The following ZNF705G variants were observed in gnomAD, a reference collection of about 807,000 sequenced individuals.
ZNF705G encodes zinc finger protein 705G, also known as putative zinc finger protein 705G.
A neutral mutation model predicts 19.6 loss-of-function variants in ZNF705G; 23 were observed. The ratio of observed to expected loss-of-function variants is 1.17; its 90% CI spans 0.84 to 1.66. The LOEUF (loss-of-function observed/expected upper bound fraction) is 1.66, where lower values mean the gene tolerates loss of function less well. Among genes scored for constraint, ZNF705G ranks in the 40% most tolerant of loss-of-function variants. The pLI is 0.00. For synonymous variants in ZNF705G, 146 were observed against 117.7 expected, an observed-to-expected ratio of 1.24 and a Z score of -1.56; for missense variants, 457 against 354.4, an observed-to-expected ratio of 1.29 and a Z score of -2.32.
chr8:7,366,755 T>C (rs1179399473), intron 2 of ZNF705G, among the ~76,000 whole-genome samples: 1 of 149,428 alleles, frequency 6.7e-6, no homozygotes, highest in African/African-American at 2.6e-5. Flanking sequence ...GAGATGAATA[T>C]AGAGAAGCAG....
In ZNF705G at chr8:7,362,953, G is replaced by T. The variant is rs923402394; in HGVS notation, c.-7C>A. 4.4e-6 allele frequency: 7 copies of T among 1,590,730 alleles called. 2 individuals carry two copies. The African/African-American group carries it at 9.9e-5, about 23-fold the overall frequency. On this transcript the variant is annotated 5_prime_UTR_variant, in exon 3 of 7. Coordinates refer to ENST00000400156, the MANE Select transcript of ZNF705G (RefSeq NM_001164457.3). ...TACTCACTAGTGAATGCATTGTCAG[G>T]AACTCAGTTTCTCTCTGTCTTCCTC...
In ZNF705G at chr8:7,359,744, A is replaced by C. The variant is rs751322252; in HGVS notation, c.236-43T>G. Reference sequence around the variant, plus strand: ...TAAATTGTTACATTGGTATTATGGTAATAAAATTGTTTGAAAAGCCCCAAA... The same window carrying C: ...TAAATTGTTACATTGGTATTATGGTCATAAAATTGTTTGAAAAGCCCCAAA... On this transcript the variant is annotated intron_variant, in intron 5 of 6. Transcript: ENST00000400156. 5.0e-6 allele frequency: 8 copies of C among 1,604,520 alleles called. No individual in the cohort carries two copies. The South Asian group carries it at 8.9e-5, about 18-fold the overall frequency.
chr8:7,364,327 C>A (rs1327726129), intron 2 of ZNF705G, among the ~76,000 whole-genome samples: 1 of 149,316 alleles, frequency 6.7e-6, no homozygotes, highest in African/African-American at 2.6e-5. Flanking sequence ...GTGTCATAAA[C>A]AAAAAATTTA....
rs759311915 is a variant in ZNF705G, at chr8:7,361,216, A to C, written c.33T>G (p.Asp11Glu). Residue 11 changes from aspartate to glutamate, a missense_variant, in exon 4 of 7, where the codon GAT (aspartate) becomes GAG (glutamate). Coordinates refer to ENST00000400156, the MANE Select transcript of ZNF705G (RefSeq NM_001164457.3). The part of the protein sequence containing the change: MHSLKKLTFE[D>E]VAIDFTQEEW... ...CTTCCTGGGTGAAGTCAATAGCTAC[A>C]TCTTCAAAAGTCAGTTTCTTCTAAA... 6 of 1,592,682 alleles carry C rather than the reference A, an allele frequency of 3.8e-6. 1 individual carries two copies. The highest frequency in any genetic ancestry group is 5.1e-6 in the Non-Finnish European group (6 of 1,179,394).
intron 2 of ZNF705G, among the ~76,000 whole-genome samples, chr8:7,368,254 G>A (rs1397327526): frequency 6.7e-6 from 1 of 149,446 alleles, no homozygotes; most frequent in Non-Finnish European, 1.5e-5. Flanking sequence ...CATAAAGTTG[G>A]AAACCAAAGA....
intron 2 of ZNF705G, among the ~76,000 whole-genome samples, chr8:7,364,899 G>C (rs1213876758): frequency 6.7e-6 from 1 of 149,454 alleles, no homozygotes; most frequent in Non-Finnish European, 1.5e-5. Context: ...AGATATTAGA[G>C]AATGCCTACA....
chr8:7,379,985 G>A (rs1232271300), intron 2 of ZNF705G, among the ~76,000 whole-genome samples: 1 of 141,422 alleles, frequency 7.1e-6, no homozygotes, highest in African/African-American at 3.1e-5. Context: ...GAGTCCTGCA[G>A]AGTCACAATA....
In ZNF705G at chr8:7,355,623, A is replaced by G. The variant is rs1806177910; in HGVS notation, c.*2353T>C. The G allele has an allele frequency of 6.7e-6, 1 of 149,806 alleles. No homozygotes were observed. Among genetic ancestry groups the G allele is most frequent in the South Asian group, 2.1e-4 (1 of 4,780 alleles). The allele number at this position is 149,806 out of a possible 1,614,324, so 9.3% of individuals were successfully genotyped here. A position where few individuals can be genotyped will look rare whatever the true frequency, so the allele number is the denominator to read the frequency against. On this transcript the variant is annotated 3_prime_UTR_variant, in exon 7 of 7. Coordinates refer to ENST00000400156, the MANE Select transcript of ZNF705G (RefSeq NM_001164457.3). ...CTATGTGGAGGGAAGACGAGCTTGA[A>G]TAAGAGAAGCATTCTGTGTTACGCT...
chr8:7,360,043 A>G, intron 5 of ZNF705G, among the ~76,000 whole-genome samples, 194 bp downstream of exon 5: 1 of 149,576 alleles, frequency 6.7e-6, no homozygotes, highest in Non-Finnish European at 1.5e-5. Flanking sequence ...AAGAAAAGAA[A>G]AAAAAGAGGA....
Position 7,357,954 on chromosome 8 carries a change from C to T in ZNF705G, c.*22G>A. On this transcript the variant is annotated 3_prime_UTR_variant, in exon 7 of 7. Coordinates refer to ENST00000400156, the MANE Select transcript of ZNF705G (RefSeq NM_001164457.3). ...CATAAATGGCATTCATATGGCTTTT[C>T]TCCAGTGCGTGTTCTCTCATGTCAT... The T allele has an allele frequency of 6.2e-7, 1 of 1,608,360 alleles. No homozygotes were observed. Among genetic ancestry groups the T allele is most frequent in the South Asian group, 1.1e-5 (1 of 90,574 alleles).
chr8:7,366,339 T>C lies in ZNF705G; in HGVS notation c.-71-3322A>G, dbSNP rs1806856097. ...TAAGGTTTTATGTGTGAAAGCACCA[T>C]GCCCTGAAACAAAACATTTATTTTT... On this transcript the variant is annotated intron_variant, in intron 2 of 6. Transcript: ENST00000400156. Among the ~76,000 whole-genome samples, 3 of 149,612 alleles carry C rather than the reference T, an allele frequency of 2.0e-5. No individual in the cohort carries two copies. The South Asian group carries it at 6.3e-4, about 31-fold the overall frequency.
At chr8:7,367,195 T>C (rs1004197354) in intron 2 of ZNF705G, among the ~76,000 whole-genome samples, 2 of 149,534 alleles carry the variant, frequency 1.3e-5, no homozygotes, top group African/African-American at 5.1e-5. Context: ...TGTCTAATGA[T>C]ATACAAGGCT....
chr8:7,369,327 G>C (rs1194472517), intron 2 of ZNF705G, among the ~76,000 whole-genome samples: 1 of 149,542 alleles, frequency 6.7e-6, no homozygotes, highest in African/African-American at 2.6e-5. Flanking sequence ...TGCTGGGGTG[G>C]AGACTTCATG....
At position 7,369,381 on chromosome 8, in the gene ZNF705G, G is replaced by C. The variant is rs1806997540; in HGVS notation, c.-71-6364C>G. On this transcript the variant is annotated intron_variant, in intron 2 of 6. Transcript: ENST00000400156. Reference sequence around the variant, plus strand: ...AGTGCAGAGGGAAAATGTGGCGTTGGAACCCCCACAGAGTCCACACTGGGG... The same window carrying C: ...AGTGCAGAGGGAAAATGTGGCGTTGCAACCCCCACAGAGTCCACACTGGGG... 1.3e-5 allele frequency among the ~76,000 whole-genome samples: 2 copies of C among 149,312 alleles called. 1 individual carries two copies. The highest frequency in any genetic ancestry group is 5.2e-5 in the African/African-American group (2 of 38,724).
At chr8:7,362,637 G>A (rs1211825729) in intron 3 of ZNF705G, among the ~76,000 whole-genome samples, 2 of 149,336 alleles carry the variant, frequency 1.3e-5, no homozygotes, top group Non-Finnish European at 2.9e-5. Flanking sequence ...ATCTTTTTTT[G>A]TAAATAGCCT....
chr8:7,359,587 A>G (rs750488863), intron 6 of ZNF705G, 32 bp downstream of exon 6: 1 of 1,603,806 alleles, frequency 6.2e-7, no homozygotes, highest in Admixed American at 1.7e-5. Flanking sequence ...TCTTTAACTT[A>G]GATGACTGGT....
intron 2 of ZNF705G, among the ~76,000 whole-genome samples, chr8:7,369,732 C>T (rs1194849625): frequency 6.7e-6 from 1 of 149,356 alleles, no homozygotes; most frequent in Non-Finnish European, 1.5e-5. Context: ...AAATTTATGT[C>T]CTTTGCACCA....
rs1247326243 is a variant in ZNF705G at position 7,365,488 on chromosome 8, C to T, written c.-71-2471G>A. On this transcript the variant is annotated intron_variant, in intron 2 of 6. Coordinates refer to ENST00000400156, the MANE Select transcript of ZNF705G (RefSeq NM_001164457.3). ...CCACCTCCCGGGTTCAAGCAATTCT[C>T]CAGCCTCAGCCTCCTGAGTAGCTGG... Among the ~76,000 whole-genome samples, 24 of 148,212 alleles carry T rather than the reference C, an allele frequency of 1.6e-4. 4 individuals are homozygous for T. The highest frequency in any genetic ancestry group is 6.3e-4 in the African/African-American group (24 of 37,950).
At chr8:7,359,287 T>C (rs1478558201) in intron 6 of ZNF705G, among the ~76,000 whole-genome samples, 4 of 149,652 alleles carry the variant, frequency 2.7e-5, no homozygotes, top group Admixed American at 1.3e-4. Context: ...CGATTGACAA[T>C]TGCATACACA....
Sources: gnomAD v4.1 joint callset for allele counts (sites outside exome capture counted in the v4.1 genomes callset) on GRCh38, gnomAD v4.1.1 for gene constraint, MANE v1.5 for transcripts, NCBI Gene and HGNC (gene_info 2026-07-23, HGNC 2026-07-21) for gene names.